Variants in COL4A1 observed in about 807,000 individuals in gnomAD.
The protein encoded by COL4A1 is collagen alpha-1(IV) chain.
In COL4A1, 40 loss-of-function variants were observed where a neutral mutation model predicts 216.6. That is an observed-to-expected ratio of 0.18 (90% confidence interval 0.14 to 0.24). The LOEUF (loss-of-function observed/expected upper bound fraction) is 0.24, where lower values mean the gene tolerates loss of function less well. Ranked by LOEUF, COL4A1 falls within the 10% of genes least tolerant of loss-of-function variation. COL4A1 has a pLI of 1.00. For synonymous variants in COL4A1, 839 were observed against 810.7 expected, an observed-to-expected ratio of 1.03 and a Z score of -0.59; for missense variants, 1,628 against 2,196.8, an observed-to-expected ratio of 0.74 and a Z score of 5.18.
chr13:110,182,025 C>G (rs1368540179), intron 28 of COL4A1, among the ~76,000 whole-genome samples: 1 of 152,228 alleles, frequency 6.6e-6, no homozygotes, highest in African/African-American at 2.4e-5. Context: ...TAGGGTCTGT[C>G]CTCCTCACTG....
At position 110,151,187 on chromosome 13, in the gene COL4A1, CTT is replaced by C. The variant is rs1876482044; in HGVS notation, c.4929-745_4929-744del. 1.4e-4 allele frequency among the ~76,000 whole-genome samples: 22 copies of C among 152,010 alleles called. No homozygotes were observed. The South Asian group carries it at 4.6e-3, about 32-fold the overall frequency. ...GTGCCTCATCCTAAAATTGAGGCTG[CTT>C]ATTTTATTAACTTTTGGTGCAAATT... On this transcript the variant is annotated intron_variant, in intron 51 of 51. Transcript: ENST00000375820.
intron 1 of COL4A1, among the ~76,000 whole-genome samples, chr13:110,272,911 G>A (rs573117088): frequency 1.3e-5 from 2 of 152,314 alleles, no homozygotes; most frequent in East Asian, 3.9e-4. Context: ...AGGGATGCTG[G>A]ACCCCAGGCA....
intron 49 of COL4A1, 91 bp downstream of exon 49, chr13:110,161,101 G>C (rs1877062310): frequency 7.4e-7 from 1 of 1,359,870 alleles, no homozygotes; most frequent in Admixed American, 1.8e-5. Flanking sequence ...TGGATTCAAC[G>C]TTTTGGAGAA....
chr13:110,246,866 TGA>T (rs1007975166), intron 1 of COL4A1, among the ~76,000 whole-genome samples: 4 of 152,084 alleles, frequency 2.6e-5, no homozygotes, highest in Admixed American at 2.0e-4. Flanking sequence ...TGTGCTCCTG[TGA>T]GGCACACACT....
At chr13:110,174,035 C>G (rs890889233) in intron 39 of COL4A1, 37 bp from the exon 40 acceptor site, 4 of 1,606,928 alleles carry the variant, frequency 2.5e-6, no homozygotes, top group Non-Finnish European at 3.4e-6. Context: ...CCCGCATAAC[C>G]TCTCACAGCA....
intron 1 of COL4A1, among the ~76,000 whole-genome samples, chr13:110,282,867 T>C (rs899738841): frequency 6.6e-6 from 1 of 152,238 alleles, no homozygotes; most frequent in Admixed American, 6.5e-5. Flanking sequence ...TTCACTGATA[T>C]GTGATTTCTG....
intron 48 of COL4A1, 87 bp from the exon 49 acceptor site, chr13:110,161,456 G>T: frequency 7.1e-7 from 1 of 1,398,816 alleles, no homozygotes; most frequent in Non-Finnish European, 9.8e-7. Context: ...TGGACAACAA[G>T]CAAAAACATA....
intron 2 of COL4A1, among the ~76,000 whole-genome samples, chr13:110,219,930 G>GTGTGTATATATATGTATA (rs1566386263): frequency 8.8e-6 from 1 of 113,528 alleles, no homozygotes; most frequent in African/African-American, 3.4e-5. Flanking sequence ...ATATATGTAT[G>GTGTGTATATATATGTATA]TATATGTGTG....
At chr13:110,260,609 G>A (rs575346968) in intron 1 of COL4A1, among the ~76,000 whole-genome samples, 1 of 152,148 alleles carries the variant, frequency 6.6e-6, no homozygotes. Flanking sequence ...CATGCCTCTC[G>A]TGCTGACATA....
intron 24 of COL4A1, chr13:110,191,262 T>C (rs1878613978): frequency 6.3e-6 from 1 of 158,770 alleles, no homozygotes; most frequent in Admixed American, 6.5e-5. Context: ...GGTTTTCTTT[T>C]GTAGAAGCTT....
intron 12 of COL4A1, among the ~76,000 whole-genome samples, chr13:110,208,165 C>A (rs1566375143): frequency 1.3e-5 from 2 of 152,204 alleles, no homozygotes; most frequent in African/African-American, 4.8e-5. Flanking sequence ...TTAGCCAGTG[C>A]CTGCTTCATT....
At chr13:110,253,304 A>AGG (rs1332065664) in intron 1 of COL4A1, among the ~76,000 whole-genome samples, 90 of 95,812 alleles carry the variant, frequency 9.4e-4, no homozygotes, top group South Asian at 1.8e-3. Flanking sequence ...ACATATAATT[A>AGG]TATGTATTAC....
chr13:110,177,679 A>T (rs1164860875), intron 33 of COL4A1, among the ~76,000 whole-genome samples, 163 bp downstream of exon 33: 2 of 152,090 alleles, frequency 1.3e-5, no homozygotes, highest in Admixed American at 1.3e-4. Flanking sequence ...GAGCACCAGG[A>T]ATCCTACTGG....
chr13:110,188,398 T>C (rs1456662279), intron 24 of COL4A1, among the ~76,000 whole-genome samples: 1 of 152,248 alleles, frequency 6.6e-6, no homozygotes, highest in African/African-American at 2.4e-5. Context: ...TTGCCCAATC[T>C]TTAGACTGAA....
chr13:110,200,752 T>G (rs1431554468), intron 20 of COL4A1, 102 bp downstream of exon 20: 27 of 1,231,562 alleles, frequency 2.2e-5, no homozygotes, highest in Non-Finnish European at 3.1e-5. Context: ...TGCTACCGAT[T>G]GTGTGCAAAT....
chr13:110,192,516 C>T (rs1386040353), intron 23 of COL4A1, among the ~76,000 whole-genome samples: 5 of 152,160 alleles, frequency 3.3e-5, no homozygotes, highest in Admixed American at 6.5e-5. Context: ...CACACCTGCC[C>T]CCCTGCCCAC....
In COL4A1 at chr13:110,257,750, A is replaced by G. The variant is rs567894953; in HGVS notation, c.85-15016T>C. ...AAGACATGAAAAAAGAGAATACATA[A>G]ATAGAGTTTACCAGCAACTCTTGAA... is the stretch of plus-strand genomic sequence containing the variant. On this transcript the variant is annotated intron_variant, in intron 1 of 51. Transcript: ENST00000375820. Among the ~76,000 whole-genome samples, 7 of 152,324 alleles carry G rather than the reference A, an allele frequency of 4.6e-5. No individual in the cohort carries two copies. The East Asian group carries it at 1.4e-3, about 29-fold the overall frequency.
chr13:110,151,816 G>A (rs1422050793), intron 51 of COL4A1, among the ~76,000 whole-genome samples: 2 of 152,150 alleles, frequency 1.3e-5, no homozygotes, highest in African/African-American at 4.8e-5. Context: ...TCATTTTAAA[G>A]GTGAGATTTT....
chr13:110,206,970 A>G (rs78126889), intron 13 of COL4A1, 79 bp from the exon 14 acceptor site: 27 of 571,930 alleles, frequency 4.7e-5, no homozygotes, highest in South Asian at 3.2e-4. Flanking sequence ...CACACAGCAG[A>G]AAAAAAAAAA....
Sources: gnomAD v4.1 joint callset for allele counts (sites outside exome capture counted in the v4.1 genomes callset) on GRCh38, gnomAD v4.1.1 for gene constraint, MANE v1.5 for transcripts, NCBI Gene and HGNC (gene_info 2026-07-23, HGNC 2026-07-21) for gene names.